RANBP2: variants seen among roughly 807,000 people sequenced by gnomAD.
RANBP2 encodes E3 SUMO-protein ligase RanBP2.
In RANBP2, 57 loss-of-function variants were observed where a neutral mutation model predicts 303.6. The ratio of observed to expected loss-of-function variants is 0.19; its 90% confidence interval spans 0.15 to 0.23. The LOEUF is 0.23. Ranked by LOEUF, RANBP2 falls within the 10% of genes least tolerant of loss-of-function variation. RANBP2 has a pLI of 1.00. For missense variants in RANBP2, 3,138 were observed against 3,780.8 expected, an observed-to-expected ratio of 0.83 and a Z score of 4.46; for synonymous variants, 1,167 against 1,301.5, an observed-to-expected ratio of 0.90 and a Z score of 2.23.
the RANBP2 span, among the ~76,000 whole-genome samples, chr2:109,645,824 A>T: frequency 6.6e-6 from 1 of 152,166 alleles, no homozygotes; most frequent in African/African-American, 2.4e-5. Context: ...TAAGTCCAGC[A>T]TGAGTGTTCA....
At chr2:108,910,415 C>T in the RANBP2 span, 2 of 1,514,192 alleles carry the variant, frequency 1.3e-6, no homozygotes, top group Non-Finnish European at 1.8e-6. Flanking sequence ...TGCTCAGGAT[C>T]CACAGGACCC....
the RANBP2 span, chr2:108,815,826 A>T: frequency 1.2e-6 from 1 of 868,264 alleles, no homozygotes; most frequent in South Asian, 1.8e-5. Context: ...TCCTTAACAC[A>T]TTTTAGTGAA....
the RANBP2 span, among the ~76,000 whole-genome samples, chr2:109,267,055 A>G: frequency 1.3e-5 from 2 of 152,210 alleles, no homozygotes; most frequent in Non-Finnish European, 2.9e-5. Flanking sequence ...ATTGCTCAGT[A>G]CTGAGATACA....
chr2:109,565,250 G>A, the RANBP2 span, among the ~76,000 whole-genome samples: 140 of 152,054 alleles, frequency 9.2e-4, no homozygotes, highest in African/African-American at 3.4e-3. Flanking sequence ...ATACTAGTAA[G>A]GGTAATCTAT....
the RANBP2 span, among the ~76,000 whole-genome samples, chr2:109,551,810 T>C: frequency 1.3e-5 from 2 of 152,250 alleles, no homozygotes; most frequent in African/African-American, 4.8e-5. Flanking sequence ...CAAGAAATCA[T>C]GTATTTTCAA....
At chr2:109,621,333 AAT>A in the RANBP2 span, among the ~76,000 whole-genome samples, 2,526 of 152,008 alleles carry the variant, frequency 0.017, 68 homozygotes, top group African/African-American at 0.057. Flanking sequence ...TTTGTATTTT[AAT>A]AGAGACGGGG....
At chr2:109,191,778 T>A in the RANBP2 span, among the ~76,000 whole-genome samples, 15 of 152,344 alleles carry the variant, frequency 9.8e-5, 1 homozygote, top group South Asian at 3.1e-3. Context: ...ACAGTCACAG[T>A]CACCTGTTGG....
At chr2:109,331,259 G>A in the RANBP2 span, among the ~76,000 whole-genome samples, 1 of 152,190 alleles carries the variant, frequency 6.6e-6, no homozygotes, top group South Asian at 2.1e-4. Flanking sequence ...CGCCTGTCCC[G>A]CAGGGCTGGG....
the RANBP2 span, among the ~76,000 whole-genome samples, chr2:109,259,923 CAG>C: frequency 6.6e-6 from 1 of 152,170 alleles, no homozygotes; most frequent in Non-Finnish European, 1.5e-5. Flanking sequence ...CCGTGCACAA[CAG>C]GGGCTCTGCA....
the RANBP2 span, among the ~76,000 whole-genome samples, chr2:109,154,462 G>A: frequency 2.1e-4 from 32 of 152,316 alleles, no homozygotes; most frequent in Non-Finnish European, 2.9e-5. Context: ...CCTGGGAAGG[G>A]ACCACCAGCC....
At chr2:109,357,056 T>G in the RANBP2 span, among the ~76,000 whole-genome samples, 2 of 151,752 alleles carry the variant, frequency 1.3e-5, no homozygotes, top group Non-Finnish European at 2.9e-5. Flanking sequence ...GTTACCTTTT[T>G]AAAATTTTTT....
At chr2:109,725,918 A>G in the RANBP2 span, among the ~76,000 whole-genome samples, 1 of 151,830 alleles carries the variant, frequency 6.6e-6, no homozygotes, top group South Asian at 2.1e-4. Flanking sequence ...TTTTTAGTAG[A>G]GAGAGAGTTT....
intron 4 of RANBP2, 27 bp from the exon 5 acceptor site, chr2:108,735,505 T>C (rs1695502069): frequency 1.3e-6 from 2 of 1,597,518 alleles, no homozygotes; most frequent in Middle Eastern, 4.5e-4. Flanking sequence ...GTTACTCTAA[T>C]AATTTTTCTT....
chr2:109,633,616 A>T, the RANBP2 span, among the ~76,000 whole-genome samples: 8 of 152,152 alleles, frequency 5.3e-5, no homozygotes, highest in Non-Finnish European at 1.0e-4. Flanking sequence ...AGAAGGACAC[A>T]GCCCTGCAGA....
the RANBP2 span, chr2:108,906,470 AC>A: frequency 1.6e-4 from 188 of 1,202,906 alleles, no homozygotes; most frequent in Non-Finnish European, 2.3e-4. Context: ...TACGCCCAAC[AC>A]CAGAGACGCT....
the RANBP2 span, among the ~76,000 whole-genome samples, chr2:109,249,803 C>T: frequency 6.6e-6 from 1 of 151,426 alleles, no homozygotes; most frequent in African/African-American, 2.4e-5. Context: ...ACTACAGGCG[C>T]CCGCCACCGC....
chr2:109,562,072 G>A, the RANBP2 span, among the ~76,000 whole-genome samples: 13 of 152,052 alleles, frequency 8.5e-5, no homozygotes, highest in African/African-American at 3.1e-4. Context: ...AATTAGCTGG[G>A]GGTGGTGGTG....
At chr2:109,199,095 C>G in the RANBP2 span, among the ~76,000 whole-genome samples, 1 of 151,954 alleles carries the variant, frequency 6.6e-6, no homozygotes, top group Non-Finnish European at 1.5e-5. Context: ...CATGGTGGTT[C>G]ATGCCTGTAA....
At chr2:108,929,187 C>T in the RANBP2 span, 12 of 1,613,808 alleles carry the variant, frequency 7.4e-6, no homozygotes, top group South Asian at 1.3e-4. Context: ...GCCAGGAGGG[C>T]CTGTGCTTAC....
Sources: allele counts gnomAD v4.1 joint callset (sites outside exome capture counted in the v4.1 genomes callset), GRCh38; gene constraint gnomAD v4.1.1; transcripts MANE v1.5; gene names NCBI Gene and HGNC (gene_info 2026-07-23, HGNC 2026-07-21).